TAS2R1: variants seen among roughly 807,000 people sequenced by gnomAD.
The protein encoded by TAS2R1 is taste 2 receptor member 1.
For synonymous variants in TAS2R1, 141 were observed against 134.2 expected (o/e 1.05, Z -0.35); for missense variants, 370 against 353.4 (o/e 1.05, Z -0.38).
chr5:9,880,495 A>C, the TAS2R1 span, among the ~76,000 whole-genome samples: 1 of 152,224 alleles, frequency 6.6e-6, no homozygotes, highest in Non-Finnish European at 1.5e-5. Flanking sequence ...ATGGTTTCTC[A>C]ATATCAACAC....
chr5:9,699,115 A>G (rs568741394), intron 1 of TAS2R1, among the ~76,000 whole-genome samples: 1 of 152,364 alleles, frequency 6.6e-6, no homozygotes, highest in South Asian at 2.1e-4. Flanking sequence ...ACAGAAGAAT[A>G]GAGGTAAATT....
the TAS2R1 span, among the ~76,000 whole-genome samples, chr5:9,725,221 C>T: frequency 6.6e-6 from 1 of 152,242 alleles, no homozygotes; most frequent in Admixed American, 6.5e-5. Flanking sequence ...GCACTTGAGC[C>T]CTTCAGCCCG....
At chr5:9,826,838 A>G in the TAS2R1 span, among the ~76,000 whole-genome samples, 3 of 151,808 alleles carry the variant, frequency 2.0e-5, no homozygotes, top group East Asian at 1.9e-4. Flanking sequence ...TTCCATTTCC[A>G]TGGATCCACA....
At chr5:9,700,972 G>C (rs1343110712) in intron 1 of TAS2R1, among the ~76,000 whole-genome samples, 2 of 152,166 alleles carry the variant, frequency 1.3e-5, no homozygotes, top group Non-Finnish European at 2.9e-5. Context: ...TTGTGTGCAA[G>C]TGAAGTGTGG....
chr5:9,757,969 AT>A, the TAS2R1 span, among the ~76,000 whole-genome samples: 1 of 152,152 alleles, frequency 6.6e-6, no homozygotes, highest in Non-Finnish European at 1.5e-5. Context: ...AATATCAATA[AT>A]TTTGAAACCA....
At chr5:9,818,280 A>G in the TAS2R1 span, among the ~76,000 whole-genome samples, 1 of 152,174 alleles carries the variant, frequency 6.6e-6, no homozygotes, top group African/African-American at 2.4e-5. Context: ...TTCTTACCTC[A>G]TTAGGACAAG....
the TAS2R1 span, among the ~76,000 whole-genome samples, chr5:9,730,050 T>C: frequency 1.3e-5 from 2 of 151,798 alleles, no homozygotes; most frequent in African/African-American, 4.9e-5. Flanking sequence ...TGCCAGCTCA[T>C]TTTTATTTTT....
the TAS2R1 span, among the ~76,000 whole-genome samples, chr5:9,757,652 T>A: frequency 6.6e-6 from 1 of 152,130 alleles, no homozygotes; most frequent in Non-Finnish European, 1.5e-5. Context: ...TTACACAATG[T>A]CTAGATATCT....
At chr5:9,764,093 G>A in the TAS2R1 span, among the ~76,000 whole-genome samples, 3 of 152,168 alleles carry the variant, frequency 2.0e-5, no homozygotes, top group Non-Finnish European at 1.5e-5. Flanking sequence ...AAAAGGTTGT[G>A]TGTTTAACAG....
chr5:9,814,077 C>A, the TAS2R1 span, among the ~76,000 whole-genome samples: 1 of 152,164 alleles, frequency 6.6e-6, no homozygotes, highest in Non-Finnish European at 1.5e-5. Context: ...CATGATTCAG[C>A]CATCATCATT....
the TAS2R1 span, among the ~76,000 whole-genome samples, chr5:9,729,172 G>A: frequency 2.0e-5 from 3 of 152,216 alleles, no homozygotes; most frequent in Non-Finnish European, 4.4e-5. Context: ...TGGCCACAAT[G>A]TGTGTGTGTG....
At chr5:9,827,145 C>T in the TAS2R1 span, among the ~76,000 whole-genome samples, 2 of 152,126 alleles carry the variant, frequency 1.3e-5, no homozygotes, top group Non-Finnish European at 2.9e-5. Context: ...GAGTTCATCA[C>T]CTTGTGCCCC....
the TAS2R1 span, among the ~76,000 whole-genome samples, chr5:9,845,671 G>A: frequency 6.6e-6 from 1 of 152,160 alleles, no homozygotes; most frequent in Non-Finnish European, 1.5e-5. Flanking sequence ...GGAGAATAAA[G>A]GCTGAAGCCG....
At chr5:9,778,199 G>C in the TAS2R1 span, among the ~76,000 whole-genome samples, 1 of 152,206 alleles carries the variant, frequency 6.6e-6, no homozygotes. Context: ...GTGTTTTGCT[G>C]GTGAGTAGTA....
chr5:9,880,226 C>A, the TAS2R1 span, among the ~76,000 whole-genome samples: 4 of 152,136 alleles, frequency 2.6e-5, no homozygotes, highest in Non-Finnish European at 5.9e-5. Context: ...TCTGAGTAAT[C>A]TTCTATTGTT....
At chr5:9,773,005 C>T in the TAS2R1 span, among the ~76,000 whole-genome samples, 2 of 151,962 alleles carry the variant, frequency 1.3e-5, no homozygotes, top group Admixed American at 1.3e-4. Context: ...CACCATGTAC[C>T]AATGTTATTA....
the TAS2R1 span, among the ~76,000 whole-genome samples, chr5:9,718,269 A>G: frequency 6.7e-6 from 1 of 149,888 alleles, no homozygotes; most frequent in Non-Finnish European, 1.5e-5. Context: ...GCGCCCAGCC[A>G]CCATAAGTAA....
the TAS2R1 span, among the ~76,000 whole-genome samples, chr5:9,835,973 C>T: frequency 2.0e-5 from 3 of 152,162 alleles, no homozygotes; most frequent in East Asian, 3.9e-4. Context: ...GGTTTGGCTG[C>T]GTCCCCACCC....
At chr5:9,669,542 C>T (rs1041281778) in intron 1 of TAS2R1, among the ~76,000 whole-genome samples, 1 of 151,924 alleles carries the variant, frequency 6.6e-6, no homozygotes, top group Non-Finnish European at 1.5e-5. Context: ...TTTAAACAAC[C>T]AAAATTATAC....
Sources: gnomAD v4.1 joint callset for allele counts (sites outside exome capture counted in the v4.1 genomes callset) on GRCh38, gnomAD v4.1.1 for gene constraint, MANE v1.5 for transcripts, NCBI Gene and HGNC (gene_info 2026-07-23, HGNC 2026-07-21) for gene names.